The following DOCK1 variants were observed in gnomAD, a reference collection of about 807,000 sequenced individuals.
DOCK1 encodes dedicator of cytokinesis protein 1.
In DOCK1, 138 loss-of-function variants were observed where a neutral mutation model predicts 262.7. That is an observed-to-expected ratio of 0.53 (90% confidence interval 0.46 to 0.61). The LOEUF (loss-of-function observed/expected upper bound fraction) is 0.61, where lower values mean the gene tolerates loss of function less well. Ranked by LOEUF, DOCK1 falls within the 20% of genes least tolerant of loss-of-function variation. DOCK1 has a pLI of 0.00. For missense variants in DOCK1, 1,908 were observed against 2,370.7 expected (o/e 0.80, Z 4.05); for synonymous variants, 866 against 867.4 (o/e 1.00, Z 0.03).
chr10:127,045,130 G>A (rs571193213), intron 21 of DOCK1, among the ~76,000 whole-genome samples: 20 of 149,792 alleles, frequency 1.3e-4, no homozygotes, highest in African/African-American at 3.9e-4. Context: ...CCCGGGAGGC[G>A]GAGGTTGCAG....
At chr10:127,077,935 G>A (rs1420131388) in intron 23 of DOCK1, among the ~76,000 whole-genome samples, 1 of 152,030 alleles carries the variant, frequency 6.6e-6, no homozygotes, top group East Asian at 1.9e-4. Flanking sequence ...GAGAAGGACA[G>A]TGGAAGGAGG....
At chr10:127,157,261 C>G (rs575694571) in intron 27 of DOCK1, among the ~76,000 whole-genome samples, 1 of 152,248 alleles carries the variant, frequency 6.6e-6, no homozygotes, top group South Asian at 2.1e-4. Context: ...GTTGCAAACA[C>G]AAAGACCGTC....
intron 29 of DOCK1, among the ~76,000 whole-genome samples, chr10:127,334,057 T>G (rs1165275858): frequency 6.6e-6 from 1 of 152,218 alleles, no homozygotes; most frequent in Non-Finnish European, 1.5e-5. Context: ...CTATTGTAAA[T>G]TGACAAATAA....
intron 27 of DOCK1, chr10:127,136,309 A>G (rs1358604843): frequency 2.0e-5 from 3 of 152,196 alleles, no homozygotes; most frequent in African/African-American, 7.2e-5. Flanking sequence ...AGCAGCTCCA[A>G]TCTGACAAAA....
intron 27 of DOCK1, among the ~76,000 whole-genome samples, chr10:127,129,015 G>T (rs146326658): frequency 6.6e-6 from 1 of 152,134 alleles, no homozygotes; most frequent in East Asian, 1.9e-4. Flanking sequence ...GTGCGTGACC[G>T]TTGTTCTTGT....
intron 31 of DOCK1, among the ~76,000 whole-genome samples, chr10:127,346,522 G>A (rs1201647838): frequency 6.6e-6 from 1 of 152,196 alleles, no homozygotes; most frequent in Non-Finnish European, 1.5e-5. Flanking sequence ...CTTGAGCCCA[G>A]GGGGTCGGGG....
intron 10 of DOCK1, chr10:127,001,133 T>A (rs1467071709): frequency 1.3e-5 from 2 of 152,328 alleles, no homozygotes; most frequent in Middle Eastern, 3.4e-3. Flanking sequence ...AGCACTGTGA[T>A]ATTTATTTTA....
chr10:127,216,905 G>A (rs776349728), intron 27 of DOCK1, among the ~76,000 whole-genome samples: 13 of 152,256 alleles, frequency 8.5e-5, no homozygotes, highest in Non-Finnish European at 1.6e-4. Context: ...AGTACATGTC[G>A]TGGGCAGTGC....
At chr10:127,011,607 C>T (rs1565061593) in intron 11 of DOCK1, among the ~76,000 whole-genome samples, 1 of 152,196 alleles carries the variant, frequency 6.6e-6, no homozygotes, top group Non-Finnish European at 1.5e-5. Context: ...GCTCCTGGTT[C>T]ATGGGCCCTG....
At chr10:126,956,382 C>T (rs1005387732) in intron 1 of DOCK1, among the ~76,000 whole-genome samples, 15 of 152,280 alleles carry the variant, frequency 9.9e-5, no homozygotes, top group Admixed American at 3.3e-4. Flanking sequence ...CTACAGCCTA[C>T]GAGCATCTAC....
chr10:127,374,108 CTT>C lies in DOCK1; in HGVS notation c.3572_3573del (p.Phe1191CysfsTer15). ...AAATACCTCGCCAAAACAGGAGAAA[CTT>C]TTGTAAAACTCGTTGTGCGCTTAAT... On this transcript the variant is annotated frameshift_variant, in exon 35 of 52. Transcript: ENST00000623213. LOFTEE classifies it high-confidence loss of function. 1.9e-6 allele frequency: 3 copies of C among 1,613,534 alleles called. No individual in the cohort carries two copies. The highest frequency in any genetic ancestry group is 2.5e-6 in the Non-Finnish European group (3 of 1,179,688).
intron 21 of DOCK1, among the ~76,000 whole-genome samples, chr10:127,050,620 G>T (rs1259720889): frequency 6.6e-6 from 1 of 151,686 alleles, no homozygotes; most frequent in East Asian, 2.0e-4. Context: ...CAGGAGAATC[G>T]CTGGAACCTG....
chr10:127,219,917 CTGGCA>C (rs1276149771), intron 27 of DOCK1, among the ~76,000 whole-genome samples: 2 of 152,102 alleles, frequency 1.3e-5, no homozygotes, highest in Non-Finnish European at 2.9e-5. Flanking sequence ...GACTTACACC[CTGGCA>C]GTCCTGTGCA....
intron 25 of DOCK1, among the ~76,000 whole-genome samples, chr10:127,111,691 A>G (rs1217889332): frequency 1.3e-5 from 2 of 152,152 alleles, no homozygotes; most frequent in African/African-American, 2.4e-5. Flanking sequence ...CGAAAATTTT[A>G]TATCTGGGTC....
chr10:127,027,771 G>A (rs2042968585), intron 16 of DOCK1, among the ~76,000 whole-genome samples: 1 of 152,134 alleles, frequency 6.6e-6, no homozygotes. Context: ...GGCCTGCCCT[G>A]GGCCCTCCAT....
chr10:127,128,363 G>C (rs2050102421), intron 27 of DOCK1, among the ~76,000 whole-genome samples: 1 of 144,540 alleles, frequency 6.9e-6, no homozygotes, highest in Non-Finnish European at 1.5e-5. Context: ...GGTTCAAGGG[G>C]TTATAATTTC....
chr10:127,361,366 G>A (rs754921168), intron 32 of DOCK1, among the ~76,000 whole-genome samples: 144 of 152,046 alleles, frequency 9.5e-4, no homozygotes, highest in Non-Finnish European at 1.8e-3. Context: ...TGCCCGCCTT[G>A]GCCTCCCAAA....
intron 27 of DOCK1, among the ~76,000 whole-genome samples, chr10:127,207,322 C>G (rs986503604): frequency 1.3e-4 from 20 of 152,140 alleles, no homozygotes; most frequent in African/African-American, 4.3e-4. Context: ...CTAAATGTGA[C>G]TAAGTCAGGA....
chr10:127,212,785 T>A (rs2058039149), intron 27 of DOCK1, among the ~76,000 whole-genome samples: 1 of 151,404 alleles, frequency 6.6e-6, no homozygotes, highest in African/African-American at 2.4e-5. Flanking sequence ...TGTCAACATT[T>A]TTTCATGTTC....
Sources: allele counts gnomAD v4.1 joint callset (sites outside exome capture counted in the v4.1 genomes callset), GRCh38; gene constraint gnomAD v4.1.1; transcripts MANE v1.5; gene names NCBI Gene and HGNC (gene_info 2026-07-23, HGNC 2026-07-21).